Variants in VPS13D observed in about 807,000 individuals in gnomAD.
The protein encoded by VPS13D is intermembrane lipid transfer protein VPS13D.
VPS13D carries 187 observed loss-of-function variants against 461.9 expected under a neutral mutation model. The observed-to-expected ratio is 0.40, with a 90% confidence interval of 0.36 to 0.46. The LOEUF (loss-of-function observed/expected upper bound fraction) is 0.46, where lower values mean the gene tolerates loss of function less well. Ranked by LOEUF, VPS13D falls within the 20% of genes least tolerant of loss-of-function variation. The pLI, the probability that VPS13D is intolerant of heterozygous loss-of-function variation, is 0.60. For missense variants in VPS13D, 4,711 were observed against 5,364.9 expected, an observed-to-expected ratio of 0.88 and a Z score of 3.81; for synonymous variants, 1,951 against 1,986.3, an observed-to-expected ratio of 0.98 and a Z score of 0.47.
intron 65 of VPS13D, among the ~76,000 whole-genome samples, chr1:12,433,067 G>C (rs997100958): frequency 1.1e-4 from 16 of 152,158 alleles, no homozygotes; most frequent in Admixed American, 4.6e-4. Flanking sequence ...GGGGGCCCAC[G>C]CATATCTGCG....
chr1:12,437,345 C>T (rs1349973512), intron 65 of VPS13D, among the ~76,000 whole-genome samples: 2 of 152,116 alleles, frequency 1.3e-5, no homozygotes, highest in African/African-American at 4.8e-5. Context: ...GACCCTAAAA[C>T]AACTGATTAG....
intron 67 of VPS13D, among the ~76,000 whole-genome samples, chr1:12,472,764 C>T (rs546009366): frequency 3.9e-5 from 6 of 152,286 alleles, no homozygotes; most frequent in African/African-American, 1.4e-4. Flanking sequence ...TTCCCCTTTA[C>T]CCCCAACTAG....
intron 16 of VPS13D, 142 bp downstream of exon 16, chr1:12,269,018 TCCTGTTACTAAAC>T (rs1480247206): frequency 1.0e-5 from 8 of 792,546 alleles, no homozygotes; most frequent in Non-Finnish European, 1.5e-5. Context: ...GGTTGCCCTG[TCCTGTTACTAAAC>T]CAGGGTAGAT....
At chr1:12,423,424 A>G (rs1315099271) in intron 65 of VPS13D, among the ~76,000 whole-genome samples, 1 of 152,254 alleles carries the variant, frequency 6.6e-6, no homozygotes, top group Non-Finnish European at 1.5e-5. Context: ...AACCAAACAA[A>G]AAGCCCTACC....
intron 67 of VPS13D, among the ~76,000 whole-genome samples, chr1:12,464,164 A>T (rs960573759): frequency 6.6e-6 from 1 of 152,186 alleles, no homozygotes; most frequent in African/African-American, 2.4e-5. Context: ...ATCTCCAACC[A>T]TCCCGGTTGA....
chr1:12,324,660 T>C (rs1643132596), intron 35 of VPS13D, among the ~76,000 whole-genome samples: 1 of 152,228 alleles, frequency 6.6e-6, no homozygotes, highest in African/African-American at 2.4e-5. Context: ...AGAGATTTGA[T>C]GTAAGTAAAT....
chr1:12,422,845 G>T (rs1644879964), intron 65 of VPS13D, among the ~76,000 whole-genome samples: 1 of 151,206 alleles, frequency 6.6e-6, no homozygotes, highest in South Asian at 2.1e-4. Flanking sequence ...TAATTTTGAA[G>T]GTCTTTTTTT....
At chr1:12,439,340 C>A (rs1645101462) in intron 65 of VPS13D, among the ~76,000 whole-genome samples, 1 of 152,098 alleles carries the variant, frequency 6.6e-6, no homozygotes, top group Non-Finnish European at 1.5e-5. Flanking sequence ...ACTCAGTGTT[C>A]TCTTCCTGGA....
chr1:12,434,560 C>G (rs1185363972), intron 65 of VPS13D, among the ~76,000 whole-genome samples: 2 of 152,136 alleles, frequency 1.3e-5, no homozygotes, highest in Non-Finnish European at 2.9e-5. Context: ...TTTGATTTTC[C>G]TGTACTTTCG....
At chr1:12,410,765 G>A (rs1282874571) in intron 63 of VPS13D, among the ~76,000 whole-genome samples, 2 of 152,118 alleles carry the variant, frequency 1.3e-5, no homozygotes, top group African/African-American at 4.8e-5. Flanking sequence ...AAATATGTAA[G>A]AAGGCTAATA....
At chr1:12,340,780 TG>T (rs547487600) in intron 40 of VPS13D, among the ~76,000 whole-genome samples, 93 of 152,334 alleles carry the variant, frequency 6.1e-4, no homozygotes, top group African/African-American at 2.2e-3. Flanking sequence ...CCCTTTTTTT[TG>T]TTGGTTGTGT....
chr1:12,249,578 G>T, intron 6 of VPS13D: 1 of 336,380 alleles, frequency 3.0e-6, no homozygotes, highest in South Asian at 6.4e-5. Flanking sequence ...GAAACTGAGG[G>T]GCAGAAAGGA....
chr1:12,269,749 C>T (rs1004975916), intron 16 of VPS13D, among the ~76,000 whole-genome samples: 3 of 152,194 alleles, frequency 2.0e-5, no homozygotes, highest in African/African-American at 7.2e-5. Context: ...TGTCCCTTCC[C>T]CCTTTATTAC....
rs755492257 is a variant in VPS13D at position 12,379,448 on chromosome 1, C to T, written c.11082-40C>T. 3.2e-6 allele frequency: 5 copies of T among 1,577,026 alleles called. No homozygotes were observed. The South Asian group carries it at 5.6e-5, about 18-fold the overall frequency. ...TTCCCTTCAGGCGTGAAACAGTTGA[C>T]TCGGAGGTTTCATGGTTCATTGTGT... On this transcript the variant is annotated intron_variant, in intron 56 of 69. Transcript: ENST00000620676.
rs1480457864 is a variant in VPS13D, at chr1:12,291,112, T to G, written c.5840T>G (p.Phe1947Cys). Residue 1947 changes from phenylalanine (F) to cysteine (C), a missense_variant, in exon 23 of 70, where the codon TTC (phenylalanine) becomes TGC (cysteine). Phe to Cys is a radical substitution (Grantham distance 205). This residue lies in a region of VPS13D where 4,411 missense variants were observed against 4,937.8 expected (regional missense o/e 0.89). Coordinates refer to ENST00000620676, the MANE Select transcript of VPS13D (RefSeq NM_015378.4). Reference protein sequence around the residue: ...FTTSGEEALIFQTFKYGRPDP... With the variant: ...FTTSGEEALICQTFKYGRPDP... Reference sequence around the variant, plus strand: ...ACCAGTGGTGAAGAAGCACTCATCTTCCAGACTTTTAAGTAAAAATGTCAA... The same window carrying G: ...ACCAGTGGTGAAGAAGCACTCATCTGCCAGACTTTTAAGTAAAAATGTCAA... 1 of 1,611,330 alleles carries G rather than the reference T, an allele frequency of 6.2e-7. No individual in the cohort carries two copies. The highest frequency in any genetic ancestry group is 2.2e-5 in the East Asian group (1 of 44,864).
At chr1:12,408,317 AAG>A (rs138830414) in intron 63 of VPS13D, among the ~76,000 whole-genome samples, 27 of 145,770 alleles carry the variant, frequency 1.9e-4, no homozygotes, top group East Asian at 3.9e-4. Flanking sequence ...ATTTATACCA[AAG>A]AGAGAGAGAG....
At chr1:12,442,483 G>A (rs1486272338) in intron 65 of VPS13D, among the ~76,000 whole-genome samples, 1 of 151,936 alleles carries the variant, frequency 6.6e-6, no homozygotes, top group Non-Finnish European at 1.5e-5. Context: ...TCAAGTTTCT[G>A]TGGCTAACTT....
At chr1:12,487,534 C>T (rs546575732) in intron 67 of VPS13D, among the ~76,000 whole-genome samples, 129 of 151,850 alleles carry the variant, frequency 8.5e-4, no homozygotes, top group Admixed American at 2.1e-3. Context: ...TTGCTTGAAC[C>T]CAGGAGGTGG....
chr1:12,327,772 G>A lies in VPS13D; in HGVS notation c.8115G>A (p.Glu2705=). ...CAGCGCCATTGATCTCTGGCGTGGA[G>A]ATCAAAGCTGAGAGTGTGTGCATCT... The part of the protein sequence containing the change: ...AVAAPLISGV[E]IKAESVCICF... The change falls in exon 36 of 70, where the codon GAG becomes GAA. Residue 2705 remains glutamate (E), a synonymous_variant. Transcript: ENST00000620676. 1 of 1,614,168 alleles carries A rather than the reference G, an allele frequency of 6.2e-7. No individual in the cohort carries two copies. Among genetic ancestry groups the A allele is most frequent in the Non-Finnish European group, 8.5e-7 (1 of 1,180,036 alleles).
Sources: allele counts gnomAD v4.1 joint callset (sites outside exome capture counted in the v4.1 genomes callset), GRCh38; gene constraint gnomAD v4.1.1; regional missense constraint gnomAD v4.1.1; transcripts MANE v1.5; gene names NCBI Gene and HGNC (gene_info 2026-07-23, HGNC 2026-07-21).